Variants in MYT1L observed in about 807,000 individuals in gnomAD.
MYT1L encodes the protein myelin transcription factor 1-like protein.
A neutral mutation model predicts 126.7 loss-of-function variants in MYT1L; 12 were observed. The ratio of observed to expected loss-of-function variants is 0.09; its 90% CI spans 0.06 to 0.15. The LOEUF is 0.15. Ranked by LOEUF, MYT1L falls within the 10% of genes least tolerant of loss-of-function variation. The pLI is 1.00. For synonymous variants in MYT1L, 541 were observed against 604.2 expected (o/e 0.90, Z 1.53); for missense variants, 979 against 1,585.2 (o/e 0.62, Z 6.49).
At chr2:2,314,965 G>T (rs947043549) in intron 1 of MYT1L, among the ~76,000 whole-genome samples, 3 of 152,154 alleles carry the variant, frequency 2.0e-5, no homozygotes, top group African/African-American at 7.2e-5. Flanking sequence ...AGGAAAACTG[G>T]CTAGCCATAT....
At chr2:1,962,184 C>T (rs1012639700) in intron 8 of MYT1L, among the ~76,000 whole-genome samples, 2 of 152,058 alleles carry the variant, frequency 1.3e-5, no homozygotes, top group African/African-American at 2.4e-5. Flanking sequence ...TTTTCTATTG[C>T]TAGAATGTTA....
Position 1,829,806 on chromosome 2 carries a change from T to G in MYT1L, c.3080+9343A>C, listed in dbSNP as rs111933844. Among the ~76,000 whole-genome samples, 31 of 97,164 alleles carry G rather than the reference T, an allele frequency of 3.2e-4. No individual in the cohort carries two copies. The East Asian group carries it at 0.011, about 35-fold the overall frequency. 63.7% of individuals were successfully genotyped at this position (97,164 alleles called of 152,430 possible). On this transcript the variant is annotated intron_variant, in intron 21 of 24. Coordinates refer to ENST00000647738, the MANE Select transcript of MYT1L (RefSeq NM_001303052.2). ...CTTCCCATACACCTGTGAATTGACC[T>G]TCCCATACACCTGTGAATTGACCCT...
At chr2:2,033,412 C>T (rs959918525) in intron 4 of MYT1L, among the ~76,000 whole-genome samples, 2 of 151,586 alleles carry the variant, frequency 1.3e-5, no homozygotes, top group Non-Finnish European at 2.9e-5. Flanking sequence ...CATCCTGTGG[C>T]CCAGAGCAGA....
At chr2:2,317,272 G>A (rs978847362) in intron 1 of MYT1L, among the ~76,000 whole-genome samples, 2 of 152,006 alleles carry the variant, frequency 1.3e-5, no homozygotes, top group East Asian at 1.9e-4. Flanking sequence ...GCATTTGCAC[G>A]TCTCTGCAAA....
At chr2:1,904,429 C>T (rs948566609) in intron 13 of MYT1L, among the ~76,000 whole-genome samples, 41 of 151,918 alleles carry the variant, frequency 2.7e-4, no homozygotes, top group African/African-American at 9.7e-4. Context: ...AGTGCAGTGG[C>T]ATGATCTCAG....
At chr2:1,950,579 A>G (rs2057658241) in intron 8 of MYT1L, among the ~76,000 whole-genome samples, 1 of 152,100 alleles carries the variant, frequency 6.6e-6, no homozygotes, top group South Asian at 2.1e-4. Context: ...AGGACAGAGG[A>G]GGCTTCACAG....
intron 3 of MYT1L, among the ~76,000 whole-genome samples, chr2:2,162,343 C>A (rs1179576814): frequency 1.4e-4 from 21 of 151,724 alleles, no homozygotes; most frequent in Admixed American, 6.6e-5. Flanking sequence ...TGTCTAGGGT[C>A]CACAGAGAAA....
chr2:2,017,016 C>T (rs1333792898), intron 4 of MYT1L, among the ~76,000 whole-genome samples: 5 of 152,222 alleles, frequency 3.3e-5, no homozygotes, highest in African/African-American at 7.2e-5. Context: ...GTCCAAAGGC[C>T]TATCGACAGC....
intron 3 of MYT1L, among the ~76,000 whole-genome samples, chr2:2,099,299 C>T (rs2077778753): frequency 6.6e-6 from 1 of 151,880 alleles, no homozygotes; most frequent in Non-Finnish European, 1.5e-5. Flanking sequence ...ATGTAGCTTT[C>T]AGTCTTCCCA....
At chr2:2,260,691 T>G (rs1396496229) in intron 2 of MYT1L, among the ~76,000 whole-genome samples, 2 of 152,190 alleles carry the variant, frequency 1.3e-5, no homozygotes, top group Non-Finnish European at 2.9e-5. Flanking sequence ...GAGACTCTGC[T>G]TTATTAAAAT....
intron 2 of MYT1L, among the ~76,000 whole-genome samples, chr2:2,192,058 CCT>C (rs2092616465): frequency 6.6e-6 from 1 of 152,232 alleles, no homozygotes; most frequent in Admixed American, 6.5e-5. Flanking sequence ...TTTCTAGAGG[CCT>C]CTCTGTGTTG....
intron 18 of MYT1L, among the ~76,000 whole-genome samples, chr2:1,861,586 G>A (rs971457594): frequency 1.1e-4 from 17 of 149,884 alleles, no homozygotes; most frequent in Non-Finnish European, 1.9e-4. Context: ...TGTTAAAGAC[G>A]CTGTGCTCTG....
At chr2:2,020,780 G>GGAAAA (rs2149825145) in intron 4 of MYT1L, among the ~76,000 whole-genome samples, 1 of 152,232 alleles carries the variant, frequency 6.6e-6, no homozygotes, top group East Asian at 1.9e-4. Context: ...CTATTCTAAG[G>GGAAAA]GAAAAGACAG....
chr2:2,184,769 A>G (rs1234332036), intron 2 of MYT1L, among the ~76,000 whole-genome samples: 1 of 152,092 alleles, frequency 6.6e-6, no homozygotes, highest in African/African-American at 2.4e-5. Flanking sequence ...TGATGATATA[A>G]GCCTCTCCTC....
Position 1,943,091 on chromosome 2 carries a change from C to G in MYT1L, c.396G>C (p.Glu132Asp), listed in dbSNP as rs369740502. Residue 132 changes from glutamate (E) to aspartate (D), a missense_variant, in exon 9 of 25, where the codon GAG (glutamate) becomes GAC (aspartate). By Grantham distance (45) the Glu-to-Asp change is conservative. Coordinates refer to ENST00000647738, the MANE Select transcript of MYT1L (RefSeq NM_001303052.2). The surrounding 1 kb of genome is among the most constrained non-coding windows in gnomAD (Gnocchi z 4.4). ...CCTCATCCTCCTCCTCGATCTCCTC[C>G]TCCTCCTCCCGGTCCCCCTCCTCGT... ...EEDEEGDREE[E>D]EEIEEEDEDD... 6.8e-6 allele frequency: 10 copies of G among 1,463,202 alleles called. No homozygotes were observed. Among genetic ancestry groups the G allele is most frequent in the South Asian group, 1.2e-5 (1 of 82,278 alleles). The allele number at this position is 1,463,202 out of a possible 1,614,324, so 90.6% of individuals were successfully genotyped here.
intron 3 of MYT1L, among the ~76,000 whole-genome samples, chr2:2,081,586 T>C (rs1244784721): frequency 1.3e-5 from 2 of 152,234 alleles, no homozygotes; most frequent in South Asian, 2.1e-4. Context: ...TTCTTCATCA[T>C]GTCATTCAAT....
intron 2 of MYT1L, among the ~76,000 whole-genome samples, chr2:2,217,596 A>T (rs974980641): frequency 6.6e-6 from 1 of 151,180 alleles, no homozygotes; most frequent in Non-Finnish European, 1.5e-5. Flanking sequence ...AGGCAGGAGA[A>T]TTGCTTGAAC....
chr2:2,006,272 G>A (rs570218050), intron 4 of MYT1L, among the ~76,000 whole-genome samples: 1 of 152,208 alleles, frequency 6.6e-6, no homozygotes, highest in East Asian at 1.9e-4. Context: ...ATGTATGTTT[G>A]ATGTTTACAA....
chr2:2,026,266 C>T (rs888768870), intron 4 of MYT1L, among the ~76,000 whole-genome samples: 4 of 152,120 alleles, frequency 2.6e-5, no homozygotes, highest in African/African-American at 4.8e-5. Flanking sequence ...CAAGGGTGTG[C>T]GGGGGACGTG....
Sources: gnomAD v4.1 joint callset for allele counts (sites outside exome capture counted in the v4.1 genomes callset) on GRCh38, gnomAD v4.1.1 for gene constraint, Gnocchi (gnomAD v3.1) non-coding constraint, MANE v1.5 for transcripts, NCBI Gene and HGNC (gene_info 2026-07-23, HGNC 2026-07-21) for gene names.